RANBP2: variants seen among roughly 807,000 people sequenced by gnomAD.
RANBP2 encodes the protein E3 SUMO-protein ligase RanBP2.
Under a neutral mutation model 303.6 loss-of-function variants are expected in RANBP2, and 57 were observed. The observed-to-expected ratio is 0.19, with a 90% CI of 0.15 to 0.23. The LOEUF is 0.23. Among genes scored for constraint, RANBP2 ranks in the 10% least tolerant of loss-of-function variants. The pLI is 1.00. For missense variants in RANBP2, 3,138 were observed against 3,780.8 expected, an observed-to-expected ratio of 0.83 and a Z score of 4.46; for synonymous variants, 1,167 against 1,301.5, an observed-to-expected ratio of 0.90 and a Z score of 2.23.
intron 6 of RANBP2, among the ~76,000 whole-genome samples, chr2:108,737,268 CT>C (rs1695664047): frequency 6.6e-6 from 1 of 150,680 alleles, no homozygotes; most frequent in Non-Finnish European, 1.5e-5. Flanking sequence ...TCACAAGTTC[CT>C]TTTACATTTT....
In RANBP2 at chr2:108,773,109, T is replaced by C. The variant is rs541135935; in HGVS notation, c.8292+63T>C. 29 of 1,465,844 alleles carry C rather than the reference T, an allele frequency of 2.0e-5. No homozygotes were observed. In the East Asian group the frequency reaches 5.8e-4, roughly 30 times the overall value. 90.8% of individuals were successfully genotyped at this position (1,465,844 alleles called of 1,614,324 possible). The stretch of plus-strand genomic sequence containing the variant: ...TTGCCTTTGTTGATGCAGTAAACTT[T>C]AGAATGTTCTTATTTATTTATTTTT... On this transcript the variant is annotated intron_variant, in intron 23 of 28. Coordinates refer to ENST00000283195, the MANE Select transcript of RANBP2 (RefSeq NM_006267.5).
chr2:109,128,472 C>T, the RANBP2 span: 2 of 152,120 alleles, frequency 1.3e-5, no homozygotes, highest in Non-Finnish European at 2.9e-5. Flanking sequence ...GCGACTCCGG[C>T]GAGCCAAGGC....
chr2:109,304,613 A>C, the RANBP2 span, among the ~76,000 whole-genome samples: 7 of 152,188 alleles, frequency 4.6e-5, no homozygotes, highest in Non-Finnish European at 1.0e-4. Context: ...AGTTCAGACT[A>C]TTTAGAGCTA....
chr2:108,731,552 T>C (rs1397778682), intron 4 of RANBP2, 78 bp downstream of exon 4: 1 of 1,606,466 alleles, frequency 6.2e-7, no homozygotes, highest in East Asian at 2.2e-5. Context: ...TACTTTTCAA[T>C]AGCAAACCTT....
the RANBP2 span, among the ~76,000 whole-genome samples, chr2:108,971,142 G>A: frequency 6.6e-6 from 1 of 152,108 alleles, no homozygotes. Context: ...CTGGGCAGGC[G>A]GTCAGACCCT....
the RANBP2 span, among the ~76,000 whole-genome samples, chr2:108,965,103 A>ATGTGTGTGTG: frequency 6.6e-6 from 1 of 152,042 alleles, no homozygotes; most frequent in African/African-American, 2.4e-5. Flanking sequence ...GCACGCAAGC[A>ATGTGTGTGTG]TGTGTGTGTC....
At chr2:109,258,775 T>G in the RANBP2 span, among the ~76,000 whole-genome samples, 1 of 152,226 alleles carries the variant, frequency 6.6e-6, no homozygotes, top group South Asian at 2.1e-4. Flanking sequence ...TGCACTGCTG[T>G]TGTCCTTCCT....
the RANBP2 span, among the ~76,000 whole-genome samples, chr2:108,793,355 C>G: frequency 6.6e-6 from 1 of 151,662 alleles, no homozygotes; most frequent in Non-Finnish European, 1.5e-5. Flanking sequence ...AAAACAACAA[C>G]AAAAAAACAC....
chr2:109,575,131 T>C, the RANBP2 span, among the ~76,000 whole-genome samples: 1 of 152,224 alleles, frequency 6.6e-6, no homozygotes, highest in South Asian at 2.1e-4. Context: ...CTTGAAATGG[T>C]ATTGAATTTA....
chr2:109,284,561 T>C, the RANBP2 span, among the ~76,000 whole-genome samples: 1 of 152,210 alleles, frequency 6.6e-6, no homozygotes, highest in East Asian at 1.9e-4. Flanking sequence ...TTGAATTATG[T>C]GTGGAGCAGT....
the RANBP2 span, among the ~76,000 whole-genome samples, chr2:108,856,055 G>A: frequency 2.0e-5 from 3 of 152,198 alleles, no homozygotes; most frequent in Admixed American, 6.5e-5. Context: ...CTTGGGTTGT[G>A]TAGTGTACTG....
the RANBP2 span, chr2:109,501,609 G>T: frequency 1.3e-6 from 1 of 779,246 alleles, no homozygotes; most frequent in Non-Finnish European, 2.4e-6. Context: ...CTGGTACAAG[G>T]GGACCCTGCA....
At chr2:109,216,074 G>C in the RANBP2 span, among the ~76,000 whole-genome samples, 1 of 152,296 alleles carries the variant, frequency 6.6e-6, no homozygotes, top group East Asian at 1.9e-4. Context: ...CAGTCAGTCT[G>C]AAGAACGGAG....
At chr2:109,163,728 G>A in the RANBP2 span, among the ~76,000 whole-genome samples, 1 of 152,146 alleles carries the variant, frequency 6.6e-6, no homozygotes, top group African/African-American at 2.4e-5. Context: ...GAGACTTCAC[G>A]ATTCCACAGT....
At chr2:109,671,100 C>T in the RANBP2 span, among the ~76,000 whole-genome samples, 1 of 152,238 alleles carries the variant, frequency 6.6e-6, no homozygotes, top group Non-Finnish European at 1.5e-5. Context: ...AACGCTACCA[C>T]TTCCTGCAAC....
At chr2:108,758,375 A>G in intron 17 of RANBP2, 38 bp from the exon 18 acceptor site, 1 of 1,611,244 alleles carries the variant, frequency 6.2e-7, no homozygotes, top group Non-Finnish European at 8.5e-7. Flanking sequence ...GATATAATTA[A>G]ATGTTTAAAA....
the RANBP2 span, among the ~76,000 whole-genome samples, chr2:109,659,176 A>G: frequency 6.6e-6 from 1 of 152,162 alleles, no homozygotes; most frequent in Admixed American, 6.5e-5. Flanking sequence ...CAGGAGTTTG[A>G]GACCAGCATG....
chr2:109,245,649 T>C, the RANBP2 span, among the ~76,000 whole-genome samples: 1 of 152,268 alleles, frequency 6.6e-6, no homozygotes, highest in South Asian at 2.1e-4. Context: ...TCATATTTGC[T>C]TCTTATCCCT....
the RANBP2 span, among the ~76,000 whole-genome samples, chr2:108,936,243 T>C: frequency 6.6e-6 from 1 of 152,198 alleles, no homozygotes; most frequent in Non-Finnish European, 1.5e-5. Context: ...GGCCTGATGG[T>C]TCGGAGTTAC....
Sources: allele counts gnomAD v4.1 joint callset (sites outside exome capture counted in the v4.1 genomes callset), GRCh38; gene constraint gnomAD v4.1.1; transcripts MANE v1.5; gene names NCBI Gene and HGNC (gene_info 2026-07-23, HGNC 2026-07-21).